MTA1: variants seen among roughly 807,000 people sequenced by gnomAD.
The protein encoded by MTA1 is metastasis-associated protein MTA1.
MTA1 carries 15 observed loss-of-function variants against 97.0 expected under a neutral mutation model. That is an observed-to-expected ratio of 0.15 (90% CI 0.10 to 0.24). The LOEUF is 0.24. Among genes scored for constraint, MTA1 ranks in the 10% least tolerant of loss-of-function variants. The probability of loss-of-function intolerance (pLI) is 1.00; values close to 1 mark genes in which losing one functional copy is unlikely to be tolerated. For synonymous variants in MTA1, 435 were observed against 417.5 expected (o/e 1.04, Z -0.51); for missense variants, 709 against 1,015.1 (o/e 0.70, Z 4.10).
chr14:105,422,326 C>T lies in MTA1; in HGVS notation c.28+2263C>T, dbSNP rs1038770029. On this transcript the variant is annotated intron_variant, in intron 1 of 20. Transcript: ENST00000331320. The surrounding 1 kb of genome is among the most constrained non-coding windows in gnomAD (Gnocchi z 4.3). ...TTGGCTTCCTGTCTTGGTGCTCGCTCGGGGAGGTGGGCGTCTGGATTCTTG... is the reference window on the plus strand; with the variant it reads ...TTGGCTTCCTGTCTTGGTGCTCGCTTGGGGAGGTGGGCGTCTGGATTCTTG... 1.3e-5 allele frequency among the ~76,000 whole-genome samples: 2 copies of T among 152,198 alleles called. No homozygotes were observed. The highest frequency in any genetic ancestry group is 2.1e-4 in the South Asian group (1 of 4,810).
chr14:105,435,324 C>T (rs1182815480), intron 1 of MTA1, among the ~76,000 whole-genome samples: 2 of 152,172 alleles, frequency 1.3e-5, no homozygotes, highest in Non-Finnish European at 2.9e-5. Context: ...CTCACTCTGT[C>T]ACCCAGGCTT....
intron 2 of MTA1, among the ~76,000 whole-genome samples, chr14:105,440,787 G>T (rs587627809): frequency 5.3e-5 from 8 of 152,374 alleles, no homozygotes; most frequent in South Asian, 2.1e-4. Flanking sequence ...AAAAGAACCC[G>T]CAGGCCTGCG....
chr14:105,469,479 A>G lies in MTA1; in HGVS notation c.1826A>G (p.His609Arg). The change falls in exon 19 of 21, where the codon CAC (histidine) becomes CGC (arginine). Residue 609 changes from histidine (H) to arginine (R), a missense_variant. His to Arg is a conservative substitution (Grantham distance 29, BLOSUM62 0). Coordinates refer to ENST00000331320, the MANE Select transcript of MTA1 (RefSeq NM_004689.4). ...LLMPSRGLANHGQARHMGPSR... is the reference protein window; with the variant it reads ...LLMPSRGLANRGQARHMGPSR... ...CATTTCTCATCAGGTCTGGCAAACC[A>G]CGGACAGGCCAGGCACATGGTAAGA... is the stretch of plus-strand genomic sequence containing the variant. The G allele has an allele frequency of 6.2e-7, 1 of 1,612,962 alleles. No homozygotes were observed. Among genetic ancestry groups the G allele is most frequent in the African/African-American group, 1.3e-5 (1 of 75,032 alleles).
chr14:105,420,162 G>T lies in MTA1; in HGVS notation c.28+99G>T. 1 of 589,270 alleles carries T rather than the reference G, an allele frequency of 1.7e-6. No homozygotes were observed. The highest frequency in any genetic ancestry group is 2.1e-6 in the Non-Finnish European group (1 of 470,898). 36.5% of individuals were successfully genotyped at this position (589,270 alleles called of 1,614,324 possible). A position where few individuals can be genotyped will look rare whatever the true frequency, so the allele number is the denominator to read the frequency against. On this transcript the variant is annotated intron_variant, in intron 1 of 20. Transcript: ENST00000331320. The surrounding 1 kb of genome is among the most constrained non-coding windows in gnomAD (Gnocchi z 5.3). ...CGCCCCTCTGCCCCGCAGGCCCCGC[G>T]CCCCCCGCCCGCCCTCGCGGCCCCC...
Position 105,445,527 on chromosome 14 carries a change from C to T in MTA1, c.190+16C>T. 1 of 1,612,546 alleles carries T rather than the reference C, an allele frequency of 6.2e-7. No homozygotes were observed. Among genetic ancestry groups the T allele is most frequent in the East Asian group, 2.2e-5 (1 of 44,854 alleles). On this transcript the variant is annotated intron_variant, in intron 3 of 20. Coordinates refer to ENST00000331320, the MANE Select transcript of MTA1 (RefSeq NM_004689.4). ...AAGCACGCAAGTGAGTCCGGCCTTC[C>T]CTGGGGTGCCCGCCTGGCGGGAGGG...
chr14:105,447,218 G>A (rs1051236247), intron 3 of MTA1, among the ~76,000 whole-genome samples: 1 of 152,094 alleles, frequency 6.6e-6, no homozygotes, highest in Non-Finnish European at 1.5e-5. Flanking sequence ...GGTGGGGAGC[G>A]GGCTGGCCCG....
At chr14:105,451,657 C>T (rs2082933637) in intron 6 of MTA1, among the ~76,000 whole-genome samples, 1 of 152,178 alleles carries the variant, frequency 6.6e-6, no homozygotes, top group South Asian at 2.1e-4. Flanking sequence ...ACAAGCCTGT[C>T]TGCACTGTGT....
At chr14:105,469,699 G>A (rs1430950459) in intron 19 of MTA1, 142 bp from the exon 20 acceptor site, 7 of 1,321,800 alleles carry the variant, frequency 5.3e-6, no homozygotes, top group Non-Finnish European at 7.3e-6. Flanking sequence ...CCTCAGGGCT[G>A]CCCTGGGCCA....
intron 6 of MTA1, 146 bp from the exon 7 acceptor site, chr14:105,454,047 G>A: frequency 3.5e-6 from 2 of 576,152 alleles, no homozygotes; most frequent in South Asian, 1.8e-5. Context: ...GGGGGCTCCT[G>A]CGCCCTCCCT....
intron 19 of MTA1, 123 bp from the exon 20 acceptor site, chr14:105,469,718 G>T (rs1489354751): frequency 3.6e-6 from 5 of 1,391,944 alleles, no homozygotes; most frequent in Non-Finnish European, 4.9e-6. Context: ...CAGGCTGGGG[G>T]TCCGTGTAAC....
At position 105,445,639 on chromosome 14, in the gene MTA1, C is replaced by G. The variant is rs587698785; in HGVS notation, c.190+128C>G. On this transcript the variant is annotated intron_variant, in intron 3 of 20. Transcript: ENST00000331320. ...GGGGCCACCCTCTGCCCAACTCACT[C>G]TGGCGTCTCTTTTTCTCCCTTCCAC... is the stretch of plus-strand genomic sequence containing the variant. The G allele has an allele frequency of 1.3e-4, 127 of 951,426 alleles. 1 individual carries two copies. In the African/African-American group the frequency reaches 2.0e-3, roughly 15 times the overall value. The allele number at this position is 951,426 out of a possible 1,614,324, so 58.9% of individuals were successfully genotyped here. A position where few individuals can be genotyped will look rare whatever the true frequency, so the allele number is the denominator to read the frequency against.
chr14:105,469,137 G>A (rs2083721046), intron 18 of MTA1: 1 of 560,484 alleles, frequency 1.8e-6, no homozygotes, highest in Non-Finnish European at 3.4e-6. Flanking sequence ...GCCTTGCGAG[G>A]CTTTGCTTGT....
At chr14:105,438,436 G>A (rs2082396959) in intron 1 of MTA1, among the ~76,000 whole-genome samples, 1 of 152,158 alleles carries the variant, frequency 6.6e-6, no homozygotes, top group Non-Finnish European at 1.5e-5. Context: ...TGCTGGGAAC[G>A]GCCCCTCCAG....
intron 1 of MTA1, among the ~76,000 whole-genome samples, chr14:105,436,381 C>T (rs1309557963): frequency 1.3e-5 from 2 of 152,100 alleles, no homozygotes; most frequent in Non-Finnish European, 2.9e-5. Context: ...TTTATTTGTC[C>T]GTTTATTAAG....
At chr14:105,461,043 C>G (rs1555430969) in intron 10 of MTA1, 90 bp downstream of exon 10, 1 of 1,322,488 alleles carries the variant, frequency 7.6e-7, no homozygotes, top group African/African-American at 1.5e-5. Flanking sequence ...CCCACTCTGC[C>G]CTGAGGGAGC....
chr14:105,439,567 G>A (rs1050321892), intron 2 of MTA1, among the ~76,000 whole-genome samples: 3 of 152,192 alleles, frequency 2.0e-5, no homozygotes, highest in African/African-American at 7.2e-5. Context: ...GGGGTGGTGG[G>A]TGGGTCCCCC....
intron 1 of MTA1, among the ~76,000 whole-genome samples, chr14:105,428,185 C>T (rs1276444424): frequency 6.6e-6 from 1 of 152,184 alleles, no homozygotes; most frequent in Non-Finnish European, 1.5e-5. Flanking sequence ...GCCCCCTCTT[C>T]TCCCCCAGCT....
chr14:105,436,001 G>T (rs781852637), intron 1 of MTA1, among the ~76,000 whole-genome samples: 1 of 152,158 alleles, frequency 6.6e-6, no homozygotes. Flanking sequence ...GGGCATGGTG[G>T]CTCATGCCTG....
At chr14:105,461,592 G>A (rs1352271345) in intron 10 of MTA1, among the ~76,000 whole-genome samples, 2 of 152,260 alleles carry the variant, frequency 1.3e-5, no homozygotes, top group African/African-American at 2.4e-5. Flanking sequence ...AAGGGGCCGG[G>A]ACACAGCGGG....
Sources: gnomAD v4.1 joint callset for allele counts (sites outside exome capture counted in the v4.1 genomes callset) on GRCh38, gnomAD v4.1.1 for gene constraint, Gnocchi (gnomAD v3.1) non-coding constraint, MANE v1.5 for transcripts, NCBI Gene and HGNC (gene_info 2026-07-23, HGNC 2026-07-21) for gene names.